The following DHODH variants were observed in gnomAD, a reference collection of about 807,000 sequenced individuals.
DHODH encodes dihydroorotate dehydrogenase (quinone).
A neutral mutation model predicts 39.7 loss-of-function variants in DHODH; 30 were observed. The observed-to-expected ratio is 0.76, with a 90% CI of 0.57 to 1.02. The LOEUF is 1.02. DHODH is among the 50% of genes least tolerant of loss of function. The pLI, the probability that DHODH is intolerant of heterozygous loss-of-function variation, is 0.00. For synonymous variants in DHODH, 222 were observed against 213.8 expected, an observed-to-expected ratio of 1.04 and a Z score of -0.34; for missense variants, 531 against 520.8, an observed-to-expected ratio of 1.02 and a Z score of -0.19.
rs1390501783 is a variant in DHODH at position 72,023,462 on chromosome 16, G to A, written c.974-12G>A. Reference sequence around the variant, plus strand: ...ATCCTTCTTTATGGTGTCGCCATGTGCTTCTCTGTAGGCCGAGTTCCCATA... The same window carrying A: ...ATCCTTCTTTATGGTGTCGCCATGTACTTCTCTGTAGGCCGAGTTCCCATA... On this transcript the variant is annotated splice_polypyrimidine_tract_variant and intron_variant, in intron 7 of 8. Transcript: ENST00000219240. 1.9e-6 allele frequency: 3 copies of A among 1,614,164 alleles called. No homozygotes were observed. Among genetic ancestry groups the A allele is most frequent in the African/African-American group, 1.3e-5 (1 of 75,052 alleles).
rs192923495 is a variant in DHODH, at chr16:72,023,294, C to G, written c.949C>G (p.Arg317Gly). 1.2e-6 allele frequency: 2 copies of G among 1,614,156 alleles called. No individual in the cohort carries two copies. Among genetic ancestry groups the G allele is most frequent in the Non-Finnish European group, 8.5e-7 (1 of 1,180,032 alleles). Residue 317 changes from arginine (R) to glycine (G), a missense_variant, in exon 7 of 9, where the codon CGG becomes GGG. Arg to Gly is a moderately radical substitution (Grantham distance 125). Coordinates refer to ENST00000219240, the MANE Select transcript of DHODH (RefSeq NM_001361.5). ...PLRDLSTQTI[R>G]EMYALTQGRV... ...CCGGGATTTATCAACTCAAACCATT[C>G]GGGAGATGTATGCACTCACCCAAGG...
chr16:72,013,486 A>G (rs138910759), intron 2 of DHODH: 2,237 of 152,336 alleles, frequency 0.015, 58 homozygotes, highest in Non-Finnish European at 0.018. Context: ...CACTTGCAGC[A>G]GCTCATTTAG....
At chr16:72,020,371 A>ATGTATGTGTATATATATATAT (rs1455738856) in intron 4 of DHODH, 2 of 89,112 alleles carry the variant, frequency 2.2e-5, no homozygotes, top group African/African-American at 1.0e-4. Context: ...ATATATATAT[A>ATGTATGTGTATATATATATAT]TTTTTTTTTT....
In DHODH at chr16:72,012,105, C is replaced by T. The variant is rs1435181381; in HGVS notation, c.77C>T (p.Ser26Phe). Residue 26 changes from serine (S) to phenylalanine (F), a missense_variant, in exon 2 of 9, where the codon TCC becomes TTC. Physicochemically the swap from Ser to Phe is radical, Grantham distance 155. Transcript: ENST00000219240. Reference protein sequence around the residue: ...ILGGGGLLFASYLMATGDERF... With the variant: ...ILGGGGLLFAFYLMATGDERF... ...GGGGGAGGAGGACTTCTCTTCGCCTCCTACCTGATGGCCACGGGAGATGAG... is the reference window on the plus strand; with the variant it reads ...GGGGGAGGAGGACTTCTCTTCGCCTTCTACCTGATGGCCACGGGAGATGAG... The T allele has an allele frequency of 6.2e-7, 1 of 1,614,074 alleles. No individual in the cohort carries two copies. Among genetic ancestry groups the T allele is most frequent in the East Asian group, 2.2e-5 (1 of 44,890 alleles).
Position 72,026,796 on chromosome 16 carries a change from C to CTT in DHODH, c.*2606_*2607dup. 1.3e-5 allele frequency: 2 copies of CTT among 148,980 alleles called. No homozygotes were observed. The highest frequency in any genetic ancestry group is 1.5e-5 in the Non-Finnish European group (1 of 67,150). The allele number at this position is 148,980 out of a possible 1,614,324, so 9.2% of individuals were successfully genotyped here. A position where few individuals can be genotyped will look rare whatever the true frequency, so the allele number is the denominator to read the frequency against. ...GCGGATACCTATTTTTCTTTCTTTT[C>CTT]TTTTTTTTTTCTGAGACAGAGTCTC... is the stretch of plus-strand genomic sequence containing the variant. On this transcript the variant is annotated 3_prime_UTR_variant, in exon 9 of 9. Transcript: ENST00000219240.
chr16:72,010,586 A>G (rs2041071157), intron 1 of DHODH, among the ~76,000 whole-genome samples: 1 of 152,248 alleles, frequency 6.6e-6, no homozygotes, highest in South Asian at 2.1e-4. Context: ...TATTTGATGA[A>G]TGACTGAACT....
At chr16:72,020,329 G>GTATATATATATATATATA (rs60652629) in intron 4 of DHODH, 5 of 102,202 alleles carry the variant, frequency 4.9e-5, no homozygotes, top group Admixed American at 2.4e-4. Context: ...ATGTATATGT[G>GTATATATATATATATATA]TATATATATA....
At chr16:72,020,369 ATATTT>A (rs1360297135) in intron 4 of DHODH, 6 of 72,294 alleles carry the variant, frequency 8.3e-5, no homozygotes, top group African/African-American at 3.5e-4. Context: ...ATATATATAT[ATATTT>A]TTTTTTTTTT....
chr16:72,023,700 A>C, intron 8 of DHODH, 67 bp downstream of exon 8: 1 of 1,596,006 alleles, frequency 6.3e-7, no homozygotes, highest in Non-Finnish European at 8.5e-7. Context: ...ACTCAAGTCA[A>C]CGAGATACTG....
chr16:72,015,768 T>A, intron 3 of DHODH: 1 of 985,444 alleles, frequency 1.0e-6, no homozygotes, highest in African/African-American at 1.7e-5. Flanking sequence ...GGTGCTGGGA[T>A]GATGGTACTT....
At chr16:72,017,769 G>GTTTTTTTTTTTTT (rs1567571747) in intron 4 of DHODH, among the ~76,000 whole-genome samples, 1 of 71,940 alleles carries the variant, frequency 1.4e-5, no homozygotes, top group Non-Finnish European at 2.6e-5. Flanking sequence ...AAAACAACAT[G>GTTTTTTTTTTTTT]CTTTTTTTTT....
At chr16:72,015,200 G>A (rs984717857) in intron 3 of DHODH, among the ~76,000 whole-genome samples, 3 of 152,020 alleles carry the variant, frequency 2.0e-5, no homozygotes, top group East Asian at 1.9e-4. Flanking sequence ...GTATTAATTC[G>A]CTGTTTTTAC....
At position 72,023,208 on chromosome 16, in the gene DHODH, G is replaced by A. The variant is rs764110385; in HGVS notation, c.863G>A (p.Arg288His). The change falls in exon 7 of 9, where the codon CGC becomes CAC. Residue 288 changes from arginine to histidine, a missense_variant. By Grantham distance (29) the Arg-to-His change is conservative. Coordinates refer to ENST00000219240, the MANE Select transcript of DHODH (RefSeq NM_001361.5). ...ATTGTTACGAACACCACCGTGAGTC[G>A]CCCTGCGGGCCTCCAGGGTGCCCTG... is the stretch of plus-strand genomic sequence containing the variant. ...GLIVTNTTVS[R>H]PAGLQGALRS... 48 of 1,614,064 alleles carry A rather than the reference G, an allele frequency of 3.0e-5. No homozygotes were observed. Among genetic ancestry groups the A allele is most frequent in the Non-Finnish European group, 4.0e-5 (47 of 1,180,050 alleles).
At chr16:72,022,004 G>A (rs921434962) in intron 5 of DHODH, among the ~76,000 whole-genome samples, 8 of 151,198 alleles carry the variant, frequency 5.3e-5, no homozygotes, top group Admixed American at 2.0e-4. Context: ...GAAGTGGAAG[G>A]ATCGCCTGAG....
rs777338070 is a variant in DHODH, at chr16:72,024,149, C to T, written c.1138C>T (p.Gln380Ter). 1.2e-6 allele frequency: 2 copies of T among 1,614,170 alleles called. No individual in the cohort carries two copies. The change falls in exon 9 of 9, where the codon CAG (glutamine) becomes TAG (stop). Residue 380 changes from glutamine to a stop codon, truncating the protein, a stop_gained. Coordinates refer to ENST00000219240, the MANE Select transcript of DHODH (RefSeq NM_001361.5). LOFTEE classifies it high-confidence loss of function. ...KRELEALLKE[Q>*]GFGGVTDAIG... ...CTTTGTTTGCTCTTTTTCCAGAGAG[C>T]AGGGCTTTGGCGGAGTCACAGATGC... is the stretch of plus-strand genomic sequence containing the variant.
intron 4 of DHODH, 41 bp downstream of exon 4, chr16:72,017,147 G>A (rs375841720): frequency 1.9e-6 from 3 of 1,585,648 alleles, no homozygotes; most frequent in East Asian, 2.2e-5. Context: ...TTATTTATTA[G>A]GAGGAAACGT....
intron 2 of DHODH, among the ~76,000 whole-genome samples, chr16:72,013,128 C>T (rs148011690): frequency 2.0e-5 from 3 of 151,878 alleles, no homozygotes; most frequent in Non-Finnish European, 4.4e-5. Context: ...ATTAAAGGGG[C>T]CTTCACCGCA....
rs929192571 is a variant in DHODH, at chr16:72,025,728, G to A, written c.*1529G>A. 8 of 152,348 alleles carry A rather than the reference G, an allele frequency of 5.3e-5. No individual in the cohort carries two copies. Among genetic ancestry groups the A allele is most frequent in the African/African-American group, 1.9e-4 (8 of 41,450 alleles). The allele number at this position is 152,348 out of a possible 1,614,324, so 9.4% of individuals were successfully genotyped here. The stretch of plus-strand genomic sequence containing the variant: ...CCCACCGTGGAGACAGCAACAGAGG[G>A]GACATCCCCAGCTCCTCTGGCTCTG... On this transcript the variant is annotated 3_prime_UTR_variant, in exon 9 of 9. Coordinates refer to ENST00000219240, the MANE Select transcript of DHODH (RefSeq NM_001361.5).
At chr16:72,008,809 T>C (rs1043469068) in intron 1 of DHODH, 24 bp downstream of exon 1, 1 of 1,552,390 alleles carries the variant, frequency 6.4e-7, no homozygotes, top group East Asian at 2.4e-5. Flanking sequence ...GTGAGCAGTG[T>C]GGATGGGGGA....
Sources: gnomAD v4.1 joint callset for allele counts (sites outside exome capture counted in the v4.1 genomes callset) on GRCh38, gnomAD v4.1.1 for gene constraint, MANE v1.5 for transcripts, NCBI Gene and HGNC (gene_info 2026-07-23, HGNC 2026-07-21) for gene names.